Variants in ABLIM1 observed in about 807,000 individuals in gnomAD.
ABLIM1 encodes actin binding LIM protein 1, also known as actin-binding LIM protein 1.
A neutral mutation model predicts 107.0 loss-of-function variants in ABLIM1; 40 were observed. The ratio of observed to expected loss-of-function variants is 0.37; its 90% CI spans 0.29 to 0.49. The LOEUF (loss-of-function observed/expected upper bound fraction) is 0.49. Ranked by LOEUF, ABLIM1 falls within the 20% of genes least tolerant of loss-of-function variation. The pLI, the probability that ABLIM1 is intolerant of heterozygous loss-of-function variation, is 0.97. For missense variants in ABLIM1, 857 were observed against 1,008.5 expected (o/e 0.85, Z 2.04); for synonymous variants, 357 against 357.3 (o/e 1.00, Z 0.01).
chr10:114,694,817 G>A (rs889664651), intron 1 of ABLIM1, among the ~76,000 whole-genome samples: 2 of 152,126 alleles, frequency 1.3e-5, no homozygotes, highest in Non-Finnish European at 2.9e-5. Flanking sequence ...AATAATAATT[G>A]GTTGATAAAA....
intron 1 of ABLIM1, among the ~76,000 whole-genome samples, chr10:114,695,877 T>C (rs978323319): frequency 6.6e-6 from 1 of 152,206 alleles, no homozygotes; most frequent in Non-Finnish European, 1.5e-5. Context: ...TCAGTTTCTT[T>C]GGGAAAACAG....
At position 114,433,882 on chromosome 10, in the gene ABLIM1, C is replaced by T. The variant is rs1021167117; in HGVS notation, c.*2378G>A. On this transcript the variant is annotated 3_prime_UTR_variant, in exon 23 of 23. Transcript: ENST00000533213. ...TTTTCTTATATTGACATTTCATCTG[C>T]ACATGTCTGGGTGATAATTCATTAA... 1 of 152,154 alleles carries T rather than the reference C, an allele frequency of 6.6e-6. No individual in the cohort carries two copies. Among genetic ancestry groups the T allele is most frequent in the Non-Finnish European group, 1.5e-5 (1 of 68,026 alleles). The allele number at this position is 152,154 out of a possible 1,614,324, so 9.4% of individuals were successfully genotyped here.
intron 1 of ABLIM1, among the ~76,000 whole-genome samples, chr10:114,710,228 C>T (rs146467410): frequency 1.3e-5 from 2 of 152,262 alleles, no homozygotes; most frequent in Non-Finnish European, 2.9e-5. Context: ...TTACCAGCCT[C>T]GGCAACATGG....
chr10:114,525,611 T>C (rs2064578530), intron 6 of ABLIM1, among the ~76,000 whole-genome samples: 2 of 152,250 alleles, frequency 1.3e-5, no homozygotes, highest in South Asian at 4.1e-4. Context: ...TTTTGATCCA[T>C]TTATAGAATG....
intron 6 of ABLIM1, among the ~76,000 whole-genome samples, chr10:114,528,770 T>C (rs2065143400): frequency 6.6e-6 from 1 of 152,180 alleles, no homozygotes; most frequent in African/African-American, 2.4e-5. Context: ...GAACACAACA[T>C]GAGATGTACT....
chr10:114,570,326 TG>T (rs1008920301), intron 4 of ABLIM1, among the ~76,000 whole-genome samples: 1 of 152,146 alleles, frequency 6.6e-6, no homozygotes, highest in Non-Finnish European at 1.5e-5. Flanking sequence ...TCTTTTTATT[TG>T]GGGGTAAGTA....
chr10:114,716,639 A>G (rs1458714025), intron 1 of ABLIM1, among the ~76,000 whole-genome samples: 2 of 152,176 alleles, frequency 1.3e-5, no homozygotes, highest in Non-Finnish European at 2.9e-5. Flanking sequence ...ACACTTTTCA[A>G]GTTAGAATCA....
intron 1 of ABLIM1, among the ~76,000 whole-genome samples, chr10:114,715,725 T>C (rs1160342878): frequency 2.0e-5 from 3 of 152,116 alleles, no homozygotes; most frequent in Non-Finnish European, 2.9e-5. Flanking sequence ...CATACAGCAA[T>C]ATACTTAATA....
chr10:114,696,944 A>G (rs2081206832), intron 1 of ABLIM1, among the ~76,000 whole-genome samples: 1 of 152,202 alleles, frequency 6.6e-6, no homozygotes, highest in Admixed American at 6.5e-5. Context: ...TGGAGGAGAC[A>G]TAATTCAACT....
At chr10:114,800,095 TA>T in the ABLIM1 span, among the ~76,000 whole-genome samples, 1 of 152,060 alleles carries the variant, frequency 6.6e-6, no homozygotes, top group African/African-American at 2.4e-5. Context: ...GTTTTTAATG[TA>T]AAAAAAATTG....
At chr10:114,755,843 T>A (rs2082618287) in intron 1 of ABLIM1, among the ~76,000 whole-genome samples, 1 of 152,254 alleles carries the variant, frequency 6.6e-6, no homozygotes, top group Non-Finnish European at 1.5e-5. Context: ...ATATGGTATT[T>A]TTTAACCACA....
At chr10:114,506,329 G>C (rs1238790455) in intron 6 of ABLIM1, among the ~76,000 whole-genome samples, 2 of 152,206 alleles carry the variant, frequency 1.3e-5, no homozygotes, top group African/African-American at 2.4e-5. Context: ...ACATACAAGT[G>C]CATGTGTCTT....
At chr10:114,462,709 T>C (rs1423852511) in intron 12 of ABLIM1, among the ~76,000 whole-genome samples, 1 of 152,014 alleles carries the variant, frequency 6.6e-6, no homozygotes, top group Admixed American at 6.6e-5. Flanking sequence ...AATATTCCAA[T>C]TATATATATT....
intron 1 of ABLIM1, among the ~76,000 whole-genome samples, chr10:114,624,172 T>C (rs564803506): frequency 3.3e-5 from 5 of 152,282 alleles, no homozygotes; most frequent in African/African-American, 1.2e-4. Context: ...TGGGAAGAAA[T>C]CCTGCACCAC....
intron 7 of ABLIM1, among the ~76,000 whole-genome samples, chr10:114,488,864 A>G (rs2058545896): frequency 1.3e-5 from 2 of 152,226 alleles, no homozygotes; most frequent in Non-Finnish European, 2.9e-5. Flanking sequence ...TGTCCATGTA[A>G]GGACACATTC....
At chr10:114,653,618 G>A (rs1186586568) in intron 1 of ABLIM1, among the ~76,000 whole-genome samples, 1 of 152,190 alleles carries the variant, frequency 6.6e-6, no homozygotes, top group Non-Finnish European at 1.5e-5. Flanking sequence ...AATGACAGCC[G>A]TTCTTCAAGA....
upstream of ABLIM1, among the ~76,000 whole-genome samples, chr10:114,771,248 C>T (rs767309296): frequency 5.3e-5 from 8 of 152,196 alleles, no homozygotes; most frequent in Non-Finnish European, 1.0e-4. Context: ...ACAGATCTTA[C>T]TCTTGTCCTT....
In ABLIM1 at chr10:114,593,097, C is replaced by T. The variant is rs550929743; in HGVS notation, c.379+8730G>A. ...AGAACCAGCAATATAAGTTGTGAAA[C>T]GCTTATTTTAAAAATGATTGATGAA... On this transcript the variant is annotated intron_variant, in intron 2 of 22. Transcript: ENST00000533213. 2.8e-4 allele frequency among the ~76,000 whole-genome samples: 42 copies of T among 152,072 alleles called. No homozygotes were observed. The South Asian group carries it at 3.5e-3, about 13-fold the overall frequency.
rs146519011 is a variant in ABLIM1, at chr10:114,516,957, G to A, written c.895-25079C>T. 2.0e-4 allele frequency among the ~76,000 whole-genome samples: 31 copies of A among 152,168 alleles called. 1 individual carries two copies. The East Asian group carries it at 5.4e-3, about 27-fold the overall frequency. ...TGGCTGGTGCTTTTCTGGGACCTGC[G>A]ATTAACTAATAGTAGATGCCATTCC... On this transcript the variant is annotated intron_variant, in intron 6 of 22. Transcript: ENST00000533213.
Sources: gnomAD v4.1 joint callset for allele counts (sites outside exome capture counted in the v4.1 genomes callset) on GRCh38, gnomAD v4.1.1 for gene constraint, MANE v1.5 for transcripts, NCBI Gene and HGNC (gene_info 2026-07-23, HGNC 2026-07-21) for gene names.